Variants in MRO observed in about 807,000 individuals in gnomAD.
MRO encodes the protein protein maestro.
MRO carries 28 observed loss-of-function variants against 31.0 expected under a neutral mutation model. The ratio of observed to expected loss-of-function variants is 0.90; its 90% CI spans 0.67 to 1.24. MRO has a LOEUF of 1.24. MRO is among the 50% of genes most tolerant of loss of function. MRO has a pLI of 0.00. For synonymous variants in MRO, 108 were observed against 108.4 expected (o/e 1.00, Z 0.02); for missense variants, 332 against 289.2 (o/e 1.15, Z -1.07).
In MRO at chr18:50,799,261, T is replaced by C; in HGVS notation, c.*76A>G. 4 of 1,278,874 alleles carry C rather than the reference T, an allele frequency of 3.1e-6. No homozygotes were observed. The highest frequency in any genetic ancestry group is 4.6e-6 in the Non-Finnish European group (4 of 875,502). 79.2% of individuals were successfully genotyped at this position (1,278,874 alleles called of 1,614,324 possible). A position where few individuals can be genotyped will look rare whatever the true frequency, so the allele number is the denominator to read the frequency against. On this transcript the variant is annotated 3_prime_UTR_variant, in exon 8 of 8. Coordinates refer to ENST00000398439, the MANE Select transcript of MRO (RefSeq NM_031939.6). ...AAGAGGCAAGCAGTGAGAAGAGGCA[T>C]CCAGTGAGATAAAACAGGGGAACAT...
At position 50,799,095 on chromosome 18, in the gene MRO, C is replaced by T. The variant is rs567218253; in HGVS notation, c.*242G>A. On this transcript the variant is annotated 3_prime_UTR_variant, in exon 8 of 8. Coordinates refer to ENST00000398439, the MANE Select transcript of MRO (RefSeq NM_031939.6). ...TGGAATGTTTTAAAGAAAGTGTGTA[C>T]CTGCTCATCAAATTTGTATGGGGAG... The T allele has an allele frequency of 5.6e-4, 267 of 477,532 alleles. No homozygotes were observed. The highest frequency in any genetic ancestry group is 1.9e-3 in the Admixed American group (53 of 28,166). The allele number at this position is 477,532 out of a possible 1,614,324, so 29.6% of individuals were successfully genotyped here. A position where few individuals can be genotyped will look rare whatever the true frequency, so the allele number is the denominator to read the frequency against.
chr18:50,807,376 C>T (rs1358408156), intron 3 of MRO, among the ~76,000 whole-genome samples: 1 of 152,208 alleles, frequency 6.6e-6, no homozygotes, highest in Admixed American at 6.5e-5. Flanking sequence ...TCCCCTCACC[C>T]CTACCCTGCC....
rs375309044 is a variant in MRO, at chr18:50,801,344, C to T, written c.585+5G>A. 71 of 1,573,512 alleles carry T rather than the reference C, an allele frequency of 4.5e-5. 2 individuals are homozygous for T. In the East Asian group the frequency reaches 5.9e-4, roughly 13 times the overall value. On this transcript the variant is annotated splice_donor_5th_base_variant and intron_variant, in intron 6 of 7. Coordinates refer to ENST00000398439, the MANE Select transcript of MRO (RefSeq NM_031939.6). ...ACTCTGTTGGTTGCAGAGTCAAGGT[C>T]TTACCTTGGCAACCTGGGGATTTCT... is the stretch of plus-strand genomic sequence containing the variant.
chr18:50,805,605 G>C (rs553283834), intron 4 of MRO, among the ~76,000 whole-genome samples: 71 of 152,306 alleles, frequency 4.7e-4, no homozygotes, highest in South Asian at 4.6e-3. Context: ...AAATAGGGCA[G>C]CAGACCTGGG....
chr18:50,819,419 C>T (rs533905233), intron 2 of MRO, 162 bp downstream of exon 2: 1 of 985,248 alleles, frequency 1.0e-6, no homozygotes, highest in East Asian at 1.1e-4. Context: ...TCAACATTGC[C>T]CACTTCAGTT....
chr18:50,806,061 T>C (rs1310883314), intron 4 of MRO, among the ~76,000 whole-genome samples: 1 of 151,930 alleles, frequency 6.6e-6, no homozygotes, highest in East Asian at 1.9e-4. Flanking sequence ...GTAGCTGAGA[T>C]TGCAGGCACA....
At chr18:50,816,844 C>T (rs1295081539) in intron 2 of MRO, among the ~76,000 whole-genome samples, 1 of 152,098 alleles carries the variant, frequency 6.6e-6, no homozygotes, top group African/African-American at 2.4e-5. Flanking sequence ...AGGGTGTGGG[C>T]CTCATTATAA....
At chr18:50,808,123 C>CT in intron 3 of MRO, among the ~76,000 whole-genome samples, 1 of 152,078 alleles carries the variant, frequency 6.6e-6, no homozygotes, top group East Asian at 1.9e-4. Flanking sequence ...ACACCAAACT[C>CT]TAAGTAATTG....
upstream of MRO, chr18:50,824,034 A>G (rs1471691711): frequency 6.6e-6 from 1 of 152,398 alleles, no homozygotes; most frequent in African/African-American, 2.4e-5. Flanking sequence ...GAAAAGGAAC[A>G]AATTGTTTCT....
At chr18:50,806,975 A>G (rs2039058121) in intron 3 of MRO, 125 bp from the exon 4 acceptor site, 3 of 940,048 alleles carry the variant, frequency 3.2e-6, no homozygotes, top group South Asian at 1.6e-5. Flanking sequence ...TCTTTCTCCT[A>G]CTAAAGACGG....
chr18:50,813,125 G>C (rs750278916), intron 2 of MRO, among the ~76,000 whole-genome samples: 3 of 152,090 alleles, frequency 2.0e-5, no homozygotes, highest in African/African-American at 7.2e-5. Context: ...ATGGGGACTC[G>C]GTTTCTCTGC....
At chr18:50,799,898 G>T (rs1357588800) in intron 7 of MRO, 138 bp downstream of exon 7, 9 of 629,856 alleles carry the variant, frequency 1.4e-5, no homozygotes, top group African/African-American at 3.7e-5. Flanking sequence ...CAGAAAAAAA[G>T]AAAAAATAAA....
chr18:50,803,996 C>A (rs150698251), intron 5 of MRO, among the ~76,000 whole-genome samples: 1 of 152,232 alleles, frequency 6.6e-6, no homozygotes, highest in Non-Finnish European at 1.5e-5. Flanking sequence ...TTTTGCTTAG[C>A]CTGATTTGTC....
At chr18:50,812,813 A>C (rs1914581942) in intron 2 of MRO, among the ~76,000 whole-genome samples, 2 of 152,196 alleles carry the variant, frequency 1.3e-5, no homozygotes, top group South Asian at 4.1e-4. Flanking sequence ...TGGCTACATT[A>C]GGATCACCTG....
In MRO at chr18:50,806,343, C is replaced by T. The variant is rs147896954; in HGVS notation, c.246+361G>A. Among the ~76,000 whole-genome samples, 256 of 152,198 alleles carry T rather than the reference C, an allele frequency of 1.7e-3. 5 individuals carry two copies. In the East Asian group the frequency reaches 0.046, roughly 27 times the overall value. On this transcript the variant is annotated intron_variant, in intron 4 of 7. Transcript: ENST00000398439. ...TGGCCTGTAGGCATCGAAAGTGGCC[C>T]CCGGCATACAGCAGGCAAAAAAACA... is the stretch of plus-strand genomic sequence containing the variant.
At chr18:50,805,835 G>A (rs142646017) in intron 4 of MRO, among the ~76,000 whole-genome samples, 2 of 152,262 alleles carry the variant, frequency 1.3e-5, no homozygotes, top group African/African-American at 4.8e-5. Flanking sequence ...ATATTGCTGA[G>A]GTGTCATGAG....
upstream of MRO, chr18:50,820,211 A>T: frequency 1.8e-6 from 1 of 566,762 alleles, no homozygotes; most frequent in South Asian, 2.1e-5. Flanking sequence ...GTTCCATGCC[A>T]AGCAGCCTCA....
Position 50,796,349 on chromosome 18 carries a change from ATGATGT to A in MRO, c.*2982_*2987del. On this transcript the variant is annotated 3_prime_UTR_variant, in exon 8 of 8. Transcript: ENST00000398439. ...CTTTTGCAGTCACCGGGGAGATACA[ATGATGT>A]ACAAGATACAGCCCTGCCTTCTGTA... 6.6e-6 allele frequency: 1 copy of A among 152,048 alleles called. No individual in the cohort carries two copies. The highest frequency in any genetic ancestry group is 2.1e-4 in the South Asian group (1 of 4,810). 9.4% of individuals were successfully genotyped at this position (152,048 alleles called of 1,614,324 possible).
chr18:50,814,054 C>G (rs1433188702), intron 2 of MRO, among the ~76,000 whole-genome samples: 1 of 152,100 alleles, frequency 6.6e-6, no homozygotes, highest in African/African-American at 2.4e-5. Flanking sequence ...CTTTCTGGGG[C>G]TTTTCTTTTA....
Sources: gnomAD v4.1 joint callset for allele counts (sites outside exome capture counted in the v4.1 genomes callset) on GRCh38, gnomAD v4.1.1 for gene constraint, MANE v1.5 for transcripts, NCBI Gene and HGNC (gene_info 2026-07-23, HGNC 2026-07-21) for gene names.